Variants in VRK2 observed in about 807,000 individuals in gnomAD.
VRK2 encodes VRK serine/threonine kinase 2.
VRK2 carries 60 observed loss-of-function variants against 57.6 expected under a neutral mutation model. The ratio of observed to expected loss-of-function variants is 1.04; its 90% CI spans 0.85 to 1.29. The LOEUF is 1.29. Among genes scored for constraint, VRK2 ranks in the 50% most tolerant of loss-of-function variants. The pLI is 0.00. For missense variants in VRK2, 705 were observed against 588.1 expected (o/e 1.20, Z -2.06); for synonymous variants, 231 against 199.2 (o/e 1.16, Z -1.35).
intron 1 of VRK2, among the ~76,000 whole-genome samples, chr2:57,928,147 G>A (rs1670602192): frequency 6.6e-6 from 1 of 152,036 alleles, no homozygotes; most frequent in South Asian, 2.1e-4. Flanking sequence ...TTCTCTTTAA[G>A]GCTAATAATT....
chr2:57,922,853 G>C (rs539547650), intron 1 of VRK2, among the ~76,000 whole-genome samples: 15 of 151,478 alleles, frequency 9.9e-5, no homozygotes, highest in Non-Finnish European at 1.3e-4. Context: ...TTCTATTTTT[G>C]TACTCACTAA....
At chr2:58,063,039 C>T (rs569141617) in intron 2 of VRK2, among the ~76,000 whole-genome samples, 84 of 152,058 alleles carry the variant, frequency 5.5e-4, no homozygotes, top group African/African-American at 1.7e-3. Flanking sequence ...GACTTTAAGT[C>T]GAAGCCAGTG....
chr2:58,051,462 TACAA>T (rs1675732626), intron 2 of VRK2, among the ~76,000 whole-genome samples: 1 of 152,336 alleles, frequency 6.6e-6, no homozygotes, highest in African/African-American at 2.4e-5. Flanking sequence ...TTCAAAGCTA[TACAA>T]ACAAATCAAT....
chr2:58,069,610 T>A (rs1226487481), intron 2 of VRK2, among the ~76,000 whole-genome samples: 1 of 152,112 alleles, frequency 6.6e-6, no homozygotes, highest in East Asian at 1.9e-4. Context: ...CACAACTCAT[T>A]TGATTGGAGA....
At chr2:58,034,199 TAA>T (rs1456322232) in intron 3 of VRK2, among the ~76,000 whole-genome samples, 1 of 152,030 alleles carries the variant, frequency 6.6e-6, no homozygotes, top group Non-Finnish European at 1.5e-5. Context: ...CAAAAATACT[TAA>T]ACTCACAAAT....
At chr2:58,114,724 G>A (rs1055373408) in intron 7 of VRK2, among the ~76,000 whole-genome samples, 1 of 151,860 alleles carries the variant, frequency 6.6e-6, no homozygotes, top group African/African-American at 2.4e-5. Context: ...AAACTGCTTG[G>A]CTGATTTGAC....
At chr2:58,065,666 T>C (rs1335450258) in intron 2 of VRK2, among the ~76,000 whole-genome samples, 2 of 152,142 alleles carry the variant, frequency 1.3e-5, no homozygotes, top group African/African-American at 2.4e-5. Flanking sequence ...TTAATTGATA[T>C]TGAGCTAAAT....
At chr2:58,047,062 G>C (rs1051431430) in intron 1 of VRK2, 194 bp downstream of exon 1, 2 of 843,760 alleles carry the variant, frequency 2.4e-6, no homozygotes, top group East Asian at 1.2e-4. Context: ...TCCCCGCTGG[G>C]AGTGAGAACA....
In VRK2 at chr2:58,159,654, C is replaced by G. The variant is rs780745258; in HGVS notation, c.1488C>G (p.Val496=). ...ATTATTATCGCATCATCATACCTGT[C>G]CTTTTGATGTTAGTATTTCTTGCTT... The part of the protein sequence containing the change: ...DVYYYRIIIP[V]LLMLVFLALF... The change falls in exon 13 of 13, where the codon GTC becomes GTG. Residue 496 remains valine (V), a synonymous_variant. Transcript: ENST00000340157. The G allele has an allele frequency of 6.2e-7, 1 of 1,613,314 alleles. No individual in the cohort carries two copies. Among genetic ancestry groups the G allele is most frequent in the Admixed American group, 1.7e-5 (1 of 59,924 alleles).
chr2:58,046,717 A>C, upstream of VRK2: 3 of 985,528 alleles, frequency 3.0e-6, no homozygotes, highest in South Asian at 1.4e-4. Context: ...AGGCCGACGC[A>C]GCTGGAGAGA....
chr2:58,044,323 A>G (rs1206157547), upstream of VRK2, among the ~76,000 whole-genome samples: 1 of 152,164 alleles, frequency 6.6e-6, no homozygotes, highest in East Asian at 1.9e-4. Context: ...CTCGTTACCT[A>G]GACTCAGCAC....
At chr2:58,039,343 C>T (rs1674373171) in intron 3 of VRK2, among the ~76,000 whole-genome samples, 3 of 152,204 alleles carry the variant, frequency 2.0e-5, no homozygotes, top group Admixed American at 6.6e-5. Flanking sequence ...TTTTCTTTCT[C>T]TTTCAGTCTC....
At chr2:57,937,009 T>C (rs563000596) in intron 1 of VRK2, among the ~76,000 whole-genome samples, 6 of 152,338 alleles carry the variant, frequency 3.9e-5, no homozygotes, top group Non-Finnish European at 7.4e-5. Flanking sequence ...TCCCAGATTC[T>C]AGTTCTTTCT....
At chr2:58,148,755 A>G (rs2104666529) in intron 12 of VRK2, among the ~76,000 whole-genome samples, 1 of 151,820 alleles carries the variant, frequency 6.6e-6, no homozygotes, top group East Asian at 1.9e-4. Flanking sequence ...ACCATCATTT[A>G]TTGAAAAGAT....
intron 1 of VRK2, among the ~76,000 whole-genome samples, chr2:57,963,665 C>T (rs1671826443): frequency 6.6e-6 from 1 of 152,186 alleles, no homozygotes; most frequent in African/African-American, 2.4e-5. Context: ...CATTTAATCA[C>T]ACATTCACGT....
chr2:57,986,252 A>C (rs1672590118), intron 1 of VRK2, among the ~76,000 whole-genome samples: 1 of 152,106 alleles, frequency 6.6e-6, no homozygotes, highest in Admixed American at 6.5e-5. Flanking sequence ...TAAGTAGAAA[A>C]ATATGCCATG....
chr2:57,929,429 A>G (rs1216508521), intron 1 of VRK2, among the ~76,000 whole-genome samples: 1 of 152,082 alleles, frequency 6.6e-6, no homozygotes, highest in Admixed American at 6.6e-5. Context: ...GATTGCCTCC[A>G]GGCCTAGGAC....
intron 2 of VRK2, among the ~76,000 whole-genome samples, chr2:58,078,080 G>A (rs1291296670): frequency 6.6e-6 from 1 of 152,026 alleles, no homozygotes; most frequent in Non-Finnish European, 1.5e-5. Context: ...ACATTGTTGT[G>A]CAGCAGATCT....
At chr2:57,952,181 A>G (rs1671448996) in intron 1 of VRK2, among the ~76,000 whole-genome samples, 1 of 152,088 alleles carries the variant, frequency 6.6e-6, no homozygotes, top group African/African-American at 2.4e-5. Flanking sequence ...TAGACACAGT[A>G]TAATGTAAAC....
Sources: allele counts gnomAD v4.1 joint callset (sites outside exome capture counted in the v4.1 genomes callset), GRCh38; gene constraint gnomAD v4.1.1; transcripts MANE v1.5; gene names NCBI Gene and HGNC (gene_info 2026-07-23, HGNC 2026-07-21).